Variants in TUT4 observed in about 807,000 individuals in gnomAD.
The protein encoded by TUT4 is terminal uridylyltransferase 4.
A neutral mutation model predicts 192.2 loss-of-function variants in TUT4; 36 were observed. The observed-to-expected ratio is 0.19, with a 90% CI of 0.14 to 0.25. The LOEUF is 0.25. TUT4 is among the 10% of genes least tolerant of loss of function. The pLI is 1.00. For missense variants in TUT4, 1,493 were observed against 1,957.2 expected (o/e 0.76, Z 4.47); for synonymous variants, 618 against 666.0 (o/e 0.93, Z 1.11).
At chr1:52,507,568 T>C (rs971673603) in intron 4 of TUT4, among the ~76,000 whole-genome samples, 7 of 152,204 alleles carry the variant, frequency 4.6e-5, no homozygotes, top group Non-Finnish European at 7.4e-5. Context: ...AAGTTTGCTT[T>C]CTTTTTGTTC....
At chr1:52,533,338 T>C (rs916972133) in intron 1 of TUT4, among the ~76,000 whole-genome samples, 2 of 152,236 alleles carry the variant, frequency 1.3e-5, no homozygotes, top group African/African-American at 4.8e-5. Context: ...TTGGTATACT[T>C]TTCAGTTTTA....
At chr1:52,467,348 GCTCTTTGC>G (rs1664507679) in intron 15 of TUT4, among the ~76,000 whole-genome samples, 1 of 152,004 alleles carries the variant, frequency 6.6e-6, no homozygotes, top group African/African-American at 2.4e-5. Context: ...TACTCTTCCT[GCTCTTTGC>G]CATCTCAGTT....
intron 14 of TUT4, 72 bp downstream of exon 14, chr1:52,471,880 T>TA: frequency 6.8e-7 from 1 of 1,474,770 alleles, no homozygotes; most frequent in East Asian, 2.4e-5. Context: ...AAACTGTTTT[T>TA]AAATCAGAAA....
At chr1:52,427,118 AAAC>A (rs1650249010) in intron 28 of TUT4, among the ~76,000 whole-genome samples, 1 of 152,182 alleles carries the variant, frequency 6.6e-6, no homozygotes, top group Non-Finnish European at 1.5e-5. Flanking sequence ...GACAGACAAA[AAAC>A]AATTTTTTGC....
In TUT4 at chr1:52,435,934, A is replaced by T. The variant is rs186537538; in HGVS notation, c.4163-469T>A. On this transcript the variant is annotated intron_variant, in intron 26 of 29. Transcript: ENST00000257177. ...ATGTCTCTCTCTCTCTCTCTCTCTCACACACACACAAACCTTTCTGCAGTA... is the reference window on the plus strand; with the variant it reads ...ATGTCTCTCTCTCTCTCTCTCTCTCTCACACACACAAACCTTTCTGCAGTA... 3.1e-3 allele frequency among the ~76,000 whole-genome samples: 462 copies of T among 150,844 alleles called. 2 individuals carry two copies. The highest frequency in any genetic ancestry group is 0.01 in the African/African-American group (416 of 41,156).
chr1:52,519,203 G>A (rs1476183534), intron 2 of TUT4, among the ~76,000 whole-genome samples: 3 of 152,126 alleles, frequency 2.0e-5, no homozygotes, highest in South Asian at 2.1e-4. Flanking sequence ...AAAAGGGAAT[G>A]ACGTACTAAT....
At chr1:52,517,989 T>TATGA (rs1278973580) in intron 2 of TUT4, among the ~76,000 whole-genome samples, 1 of 152,198 alleles carries the variant, frequency 6.6e-6, no homozygotes, top group Non-Finnish European at 1.5e-5. Flanking sequence ...GTCAGAAATA[T>TATGA]ATGAAATTAT....
chr1:52,475,062 A>G lies in TUT4; in HGVS notation c.2497T>C (p.Cys833Arg). 1 of 1,614,132 alleles carries G rather than the reference A, an allele frequency of 6.2e-7. No individual in the cohort carries two copies. Among genetic ancestry groups the G allele is most frequent in the Non-Finnish European group, 8.5e-7 (1 of 1,180,022 alleles). ...ETCLKKELSQ[C>R]NCIDLSKSPD... ...GACTTAGACAAATCAATGCAATTAC[A>G]TTGGCTGAGCTCTTTTTTTAAACAA... The change falls in exon 13 of 30, where the codon TGT (cysteine) becomes CGT (arginine). Residue 833 changes from cysteine to arginine, a missense_variant. By Grantham distance (180) the Cys-to-Arg change is radical. This residue lies in a region of TUT4 where 245 missense variants were observed against 218.4 expected (regional missense o/e 1.12). Coordinates refer to ENST00000257177, the MANE Select transcript of TUT4 (RefSeq NM_001009881.3).
intron 24 of TUT4, among the ~76,000 whole-genome samples, chr1:52,441,973 G>GC (rs1422441187): frequency 2.0e-5 from 3 of 151,940 alleles, no homozygotes; most frequent in African/African-American, 4.8e-5. Flanking sequence ...TTTGTGACCA[G>GC]CCTGGCCAGC....
intron 13 of TUT4, among the ~76,000 whole-genome samples, chr1:52,473,095 G>C (rs1557763045): frequency 6.6e-6 from 1 of 151,632 alleles, no homozygotes; most frequent in African/African-American, 2.4e-5. Flanking sequence ...AAGTTTCCAG[G>C]AAAAAAAGTA....
At chr1:52,470,429 T>C (rs1665425437) in intron 14 of TUT4, among the ~76,000 whole-genome samples, 1 of 152,160 alleles carries the variant, frequency 6.6e-6, no homozygotes, top group Non-Finnish European at 1.5e-5. Flanking sequence ...CCATTCTAAG[T>C]ATTTAGTCAA....
rs77407232 is a variant in TUT4, at chr1:52,429,889, G to A, written c.4711+1124C>T. 1.8e-3 allele frequency among the ~76,000 whole-genome samples: 279 copies of A among 151,932 alleles called. 5 individuals are homozygous for A. The East Asian group carries it at 0.041, about 22-fold the overall frequency. On this transcript the variant is annotated intron_variant, in intron 28 of 29. Transcript: ENST00000257177. ...GATTACAGGTGTAAGCCACAGTGCC[G>A]GCCTGTGTATGTTTAAGTGTGTATA... is the stretch of plus-strand genomic sequence containing the variant.
At chr1:52,436,711 G>A in intron 26 of TUT4, 44 bp downstream of exon 26, 1 of 1,609,588 alleles carries the variant, frequency 6.2e-7, no homozygotes, top group Non-Finnish European at 8.5e-7. Flanking sequence ...CAACATAAAT[G>A]ACTTCGTTTC....
In TUT4 at chr1:52,475,647, G is replaced by C. The variant is rs915709410; in HGVS notation, c.2024-112C>G. 3 of 1,044,350 alleles carry C rather than the reference G, an allele frequency of 2.9e-6. No homozygotes were observed. In the African/African-American group the frequency reaches 4.8e-5, roughly 17 times the overall value. The allele number at this position is 1,044,350 out of a possible 1,614,324, so 64.7% of individuals were successfully genotyped here. On this transcript the variant is annotated intron_variant, in intron 12 of 29. Coordinates refer to ENST00000257177, the MANE Select transcript of TUT4 (RefSeq NM_001009881.3). ...CTGTCAGGAGAATACATTTTCCCAA[G>C]GGGTTTTTCTAAGCTAGACTCCCAG... is the stretch of plus-strand genomic sequence containing the variant.
At position 52,526,002 on chromosome 1, in the gene TUT4, T is replaced by C; in HGVS notation, c.279A>G (p.Gln93=). The part of the protein sequence containing the change: ...PKDLGLVLRD[Q]SHCKAKKFPN... ...GAAATTTTTTTGCTTTGCAATGACT[T>C]TGATCTCGAAGGACTAACCCCAAAT... The change falls in exon 2 of 30, where the codon CAA becomes CAG. Residue 93 remains glutamine (Q), a synonymous_variant. Coordinates refer to ENST00000257177, the MANE Select transcript of TUT4 (RefSeq NM_001009881.3). 2 of 1,614,194 alleles carry C rather than the reference T, an allele frequency of 1.2e-6. No individual in the cohort carries two copies. The highest frequency in any genetic ancestry group is 1.7e-6 in the Non-Finnish European group (2 of 1,180,024).
rs1678558426 is a variant in TUT4 at position 52,515,763 on chromosome 1, A to T, written c.882+128T>A. ...GGAAAGAAGAAGAAAGGTAGAGAAG[A>T]GGGAAGTAAGGAAAGATGAATGCAA... On this transcript the variant is annotated intron_variant, in intron 3 of 29. Transcript: ENST00000257177. 3 of 1,020,722 alleles carry T rather than the reference A, an allele frequency of 2.9e-6. No homozygotes were observed. The Admixed American group carries it at 6.8e-5, about 23-fold the overall frequency. The allele number at this position is 1,020,722 out of a possible 1,614,324, so 63.2% of individuals were successfully genotyped here.
chr1:52,539,465 A>T (rs1338984908), intron 1 of TUT4, among the ~76,000 whole-genome samples: 1 of 152,224 alleles, frequency 6.6e-6, no homozygotes, highest in East Asian at 1.9e-4. Context: ...GACAGTAGGT[A>T]GTAAACTATG....
rs555957414 is a variant in TUT4 at position 52,539,088 on chromosome 1, G to A, written c.-93-12715C>T. 8.6e-5 allele frequency among the ~76,000 whole-genome samples: 13 copies of A among 152,030 alleles called. No homozygotes were observed. In the South Asian group the frequency reaches 2.3e-3, roughly 27 times the overall value. Reference sequence around the variant, plus strand: ...CACAACAGTAATCATGCCGATGAAGGGAAAGGATAAAGCCAAAAAGAGGCT... The same window carrying A: ...CACAACAGTAATCATGCCGATGAAGAGAAAGGATAAAGCCAAAAAGAGGCT... On this transcript the variant is annotated intron_variant, in intron 1 of 29. Coordinates refer to ENST00000257177, the MANE Select transcript of TUT4 (RefSeq NM_001009881.3).
intron 1 of TUT4, among the ~76,000 whole-genome samples, chr1:52,537,114 T>G (rs568515711): frequency 2.6e-4 from 40 of 152,204 alleles, no homozygotes; most frequent in Middle Eastern, 6.8e-3. Context: ...GGGCCGAGAT[T>G]GTGCCACTGC....
Sources: gnomAD v4.1 joint callset for allele counts (sites outside exome capture counted in the v4.1 genomes callset) on GRCh38, gnomAD v4.1.1 for gene constraint, gnomAD v4.1.1 regional missense constraint, MANE v1.5 for transcripts, NCBI Gene and HGNC (gene_info 2026-07-23, HGNC 2026-07-21) for gene names.